Variants in CCSER1 observed in about 807,000 individuals in gnomAD.
CCSER1 encodes coiled-coil serine rich protein 1.
A neutral mutation model predicts 82.0 loss-of-function variants in CCSER1; 41 were observed. That is an observed-to-expected ratio of 0.50 (90% CI 0.39 to 0.65). The LOEUF (loss-of-function observed/expected upper bound fraction) is 0.65. Among genes scored for constraint, CCSER1 ranks in the 30% least tolerant of loss-of-function variants. CCSER1 has a pLI of 0.00. For synonymous variants in CCSER1, 414 were observed against 383.9 expected, an observed-to-expected ratio of 1.08 and a Z score of -0.92; for missense variants, 1,119 against 1,064.2, an observed-to-expected ratio of 1.05 and a Z score of -0.72.
At chr4:91,372,127 A>G (rs1296237814) in intron 10 of CCSER1, among the ~76,000 whole-genome samples, 3 of 152,226 alleles carry the variant, frequency 2.0e-5, no homozygotes, top group Non-Finnish European at 4.4e-5. Context: ...CTTTTGATCA[A>G]TTGAGTCATT....
At chr4:90,529,952 T>TA (rs11408307) in intron 5 of CCSER1, among the ~76,000 whole-genome samples, 27,954 of 117,866 alleles carry the variant, frequency 0.24, 2,727 homozygotes, top group East Asian at 0.42. Context: ...TATATATATA[T>TA]TTTTTTTTTC....
chr4:91,136,279 T>C (rs7683588), intron 10 of CCSER1, among the ~76,000 whole-genome samples: 101,808 of 152,016 alleles, frequency 0.67, 35,528 homozygotes, highest in Non-Finnish European at 0.78. Context: ...TTATCTACAA[T>C]GTCCTCTCCT....
At chr4:91,399,373 G>A (rs542664963) in intron 10 of CCSER1, among the ~76,000 whole-genome samples, 2 of 151,754 alleles carry the variant, frequency 1.3e-5, no homozygotes, top group East Asian at 1.9e-4. Flanking sequence ...ATGTGCCAAG[G>A]TGTCCTAATG....
At chr4:91,151,348 GTTC>G (rs1730178889) in intron 10 of CCSER1, among the ~76,000 whole-genome samples, 1 of 151,852 alleles carries the variant, frequency 6.6e-6, no homozygotes, top group Non-Finnish European at 1.5e-5. Flanking sequence ...CATCTATTTT[GTTC>G]TTCTCTTTTT....
chr4:91,178,527 T>C (rs1280052197), intron 10 of CCSER1, among the ~76,000 whole-genome samples: 1 of 152,218 alleles, frequency 6.6e-6, no homozygotes, highest in African/African-American at 2.4e-5. Context: ...GATAGTTAGC[T>C]CTTCTTGTTG....
At chr4:91,316,787 A>G (rs1296169897) in intron 10 of CCSER1, among the ~76,000 whole-genome samples, 1 of 151,986 alleles carries the variant, frequency 6.6e-6, no homozygotes, top group Non-Finnish European at 1.5e-5. Flanking sequence ...TGCTCAAAGC[A>G]TTTCAAAGAC....
At chr4:91,376,990 A>G (rs966285537) in intron 10 of CCSER1, among the ~76,000 whole-genome samples, 2 of 149,670 alleles carry the variant, frequency 1.3e-5, no homozygotes, top group Admixed American at 1.3e-4. Flanking sequence ...ATGAGTGAGA[A>G]CATGTGGTGT....
At chr4:90,742,753 C>G (rs1746750889) in intron 7 of CCSER1, among the ~76,000 whole-genome samples, 1 of 152,070 alleles carries the variant, frequency 6.6e-6, no homozygotes, top group South Asian at 2.1e-4. Context: ...GACTGTTTTC[C>G]TTGGTGACTC....
At chr4:90,232,209 C>T (rs1744731534) in intron 1 of CCSER1, among the ~76,000 whole-genome samples, 1 of 151,998 alleles carries the variant, frequency 6.6e-6, no homozygotes, top group African/African-American at 2.4e-5. Flanking sequence ...ATCACACTAC[C>T]TGACTTCAAA....
Position 90,937,504 on chromosome 4 carries a change from A to ACACACACACACACACAC in CCSER1, c.2172+14057_2172+14058insCACACACACACACACAC, listed in dbSNP as rs757870134. On this transcript the variant is annotated intron_variant, in intron 9 of 10. Transcript: ENST00000509176. Reference sequence around the variant, plus strand: ...AAACACACACACACACACACACACAAACACACACACACTGAATGGCTCAAT... The same window carrying ACACACACACACACACAC: ...AAACACACACACACACACACACACAACACACACACACACACACACACACACACACTGAATGGCTCAAT... Among the ~76,000 whole-genome samples the ACACACACACACACACAC allele has an allele frequency of 4.6e-3, 357 of 77,756 alleles. 3 individuals are homozygous for ACACACACACACACACAC. The highest frequency in any genetic ancestry group is 0.013 in the African/African-American group (333 of 25,344). The allele number at this position is 77,756 out of a possible 152,430, so 51.0% of individuals were successfully genotyped here.
intron 5 of CCSER1, among the ~76,000 whole-genome samples, chr4:90,559,895 A>G (rs886490799): frequency 7.3e-5 from 11 of 150,148 alleles, no homozygotes; most frequent in African/African-American, 2.7e-4. Flanking sequence ...GAGGTGGGAG[A>G]ATTACTTTAG....
At chr4:90,842,130 A>C (rs1044941386) in intron 8 of CCSER1, among the ~76,000 whole-genome samples, 2 of 152,244 alleles carry the variant, frequency 1.3e-5, no homozygotes, top group Non-Finnish European at 1.5e-5. Flanking sequence ...TTGTTAGTCA[A>C]CATAGCTTAT....
At position 90,628,202 on chromosome 4, in the gene CCSER1, A is replaced by G. The variant is rs1044383628; in HGVS notation, c.1902A>G (p.Leu634=). 10 of 1,613,630 alleles carry G rather than the reference A, an allele frequency of 6.2e-6. No homozygotes were observed. The highest frequency in any genetic ancestry group is 1.3e-5 in the African/African-American group (1 of 74,918). ...MLQDCTAVKT[L]LLKMKRVLQE... ...AGGACTGCACGGCAGTCAAGACGTT[A>G]TTATTAAAGATGAAGAGAGTTCTTC... Residue 634 remains leucine, a synonymous_variant, in exon 6 of 11, where the codon TTA becomes TTG. Transcript: ENST00000509176.
In CCSER1 at chr4:90,880,199, G is replaced by A. The variant is rs187788195; in HGVS notation, c.2095-43171G>A. On this transcript the variant is annotated intron_variant, in intron 8 of 10. Transcript: ENST00000509176. ...GAAGGTGGCTTGGCACTCCTGGGCTGCCCACTGTATCTCTCCGGTGATCTC... is the reference window on the plus strand; with the variant it reads ...GAAGGTGGCTTGGCACTCCTGGGCTACCCACTGTATCTCTCCGGTGATCTC... 7.9e-5 allele frequency among the ~76,000 whole-genome samples: 12 copies of A among 152,240 alleles called. No individual in the cohort carries two copies. In the East Asian group the frequency reaches 2.3e-3, roughly 29 times the overall value.
At chr4:90,259,894 T>C (rs942819359) in intron 1 of CCSER1, among the ~76,000 whole-genome samples, 2 of 152,174 alleles carry the variant, frequency 1.3e-5, no homozygotes, top group Non-Finnish European at 2.9e-5. Context: ...TTTTTGCATC[T>C]ATGTTTATCA....
intron 5 of CCSER1, among the ~76,000 whole-genome samples, chr4:90,626,271 T>A (rs1723245747): frequency 6.6e-6 from 1 of 152,090 alleles, no homozygotes; most frequent in South Asian, 2.1e-4. Context: ...GCCTAATATA[T>A]GCCAAATAGC....
intron 5 of CCSER1, among the ~76,000 whole-genome samples, chr4:90,514,749 C>T (rs908675721): frequency 1.5e-4 from 23 of 149,690 alleles, no homozygotes; most frequent in South Asian, 6.3e-4. Context: ...GAGGAGACGC[C>T]GTTGCAAAAA....
chr4:91,167,639 T>C (rs953528908), intron 10 of CCSER1, among the ~76,000 whole-genome samples: 1 of 152,218 alleles, frequency 6.6e-6, no homozygotes, highest in Non-Finnish European at 1.5e-5. Flanking sequence ...TTTTCAATTA[T>C]GCAACTGTTT....
At chr4:90,609,303 G>A (rs1009503125) in intron 5 of CCSER1, among the ~76,000 whole-genome samples, 1 of 151,926 alleles carries the variant, frequency 6.6e-6, no homozygotes, top group African/African-American at 2.4e-5. Flanking sequence ...GATATTAATT[G>A]GTTTATATAT....
Sources: allele counts gnomAD v4.1 joint callset (sites outside exome capture counted in the v4.1 genomes callset), GRCh38; gene constraint gnomAD v4.1.1; transcripts MANE v1.5; gene names NCBI Gene and HGNC (gene_info 2026-07-23, HGNC 2026-07-21).